Variants in COL2A1 observed in about 807,000 individuals in gnomAD.
COL2A1 encodes collagen alpha-1(II) chain.
A neutral mutation model predicts 204.5 loss-of-function variants in COL2A1; 28 were observed. The observed-to-expected ratio is 0.14, with a 90% CI of 0.10 to 0.19. The LOEUF is 0.19. COL2A1 is among the 10% of genes least tolerant of loss of function. The pLI is 1.00. For synonymous variants in COL2A1, 708 were observed against 718.7 expected (o/e 0.99, Z 0.24); for missense variants, 1,388 against 2,027.5 (o/e 0.68, Z 6.06).
Position 47,987,293 on chromosome 12 carries a change from T to A in COL2A1, c.1242A>T (p.Gly414=). The A allele has an allele frequency of 6.2e-7, 1 of 1,614,014 alleles. No homozygotes were observed. Among genetic ancestry groups the A allele is most frequent in the Non-Finnish European group, 8.5e-7 (1 of 1,179,992 alleles). Residue 414 remains glycine, a synonymous_variant, in exon 20 of 54, where the codon GGA becomes GGT. Transcript: ENST00000380518. The surrounding 1 kb of genome is among the most constrained non-coding windows in gnomAD (Gnocchi z 4.1). The part of the protein sequence containing the change: ...AGASGNPGTD[G]IPGAKGSAGA... ...CAGCAGATCCTTTGGCTCCAGGAAT[T>A]CCATCTGTTCCAGGGTTACCCTGAA...
chr12:47,997,663 A>G lies in COL2A1; in HGVS notation c.474T>C (p.Pro158=), dbSNP rs2136626332. 1 of 1,613,948 alleles carries G rather than the reference A, an allele frequency of 6.2e-7. No homozygotes were observed. ...PRGRDGEPGT[P]GNPGPPGPPG... ...GAGGACCAGGGGGGCCAGGATTTCC[A>G]GGGGTCCCAGGTTCTCCATCTCTGC... Residue 158 remains proline, a synonymous_variant, in exon 7 of 54, where the codon CCT becomes CCC. Coordinates refer to ENST00000380518, the MANE Select transcript of COL2A1 (RefSeq NM_001844.5).
rs896330850 is a variant in COL2A1 at position 47,987,420 on chromosome 12, G to C, written c.1222-107C>G. 8.1e-7 allele frequency: 1 copy of C among 1,241,308 alleles called. No individual in the cohort carries two copies. Among genetic ancestry groups the C allele is most frequent in the African/African-American group, 1.5e-5 (1 of 67,916 alleles). 76.9% of individuals were successfully genotyped at this position (1,241,308 alleles called of 1,614,324 possible). A position where few individuals can be genotyped will look rare whatever the true frequency, so the allele number is the denominator to read the frequency against. On this transcript the variant is annotated intron_variant, in intron 19 of 53. Transcript: ENST00000380518. This position sits in a 1 kb window ranked among gnomAD's most constrained non-coding sequence, Gnocchi z 4.1. ...CCTGGCATAGGTGCTGTCCATTTCA[G>C]GGACATTCCCACTATGTGTTTCAAG...
intron 27 of COL2A1, 147 bp downstream of exon 27, chr12:47,984,848 C>T (rs1939302070): frequency 2.5e-6 from 2 of 796,704 alleles, no homozygotes; most frequent in South Asian, 1.5e-5. Context: ...AAATCACATA[C>T]AGACCCCCAC....
chr12:47,984,564 A>G lies in COL2A1; in HGVS notation c.1869T>C (p.Pro623=), dbSNP rs1262433609. 1 of 1,614,150 alleles carries G rather than the reference A, an allele frequency of 6.2e-7. No homozygotes were observed. The highest frequency in any genetic ancestry group is 1.1e-5 in the South Asian group (1 of 91,082). ...EPGKAGEKGL[P]GAPGLRGLPG... ...TACTTACCCTCAGACCAGGAGCACC[A>G]GGCAGTCCCTTCTCACCAGCTTTGC... Residue 623 remains proline (P), a synonymous_variant, in exon 28 of 54, where the codon CCT becomes CCC. Coordinates refer to ENST00000380518, the MANE Select transcript of COL2A1 (RefSeq NM_001844.5).
chr12:47,987,844 T>A lies in COL2A1; in HGVS notation c.1123-135A>T. The A allele has an allele frequency of 1.4e-6, 1 of 715,934 alleles. No homozygotes were observed. Among genetic ancestry groups the A allele is most frequent in the Non-Finnish European group, 2.5e-6 (1 of 403,282 alleles). The allele number at this position is 715,934 out of a possible 1,614,324, so 44.3% of individuals were successfully genotyped here. A position where few individuals can be genotyped will look rare whatever the true frequency, so the allele number is the denominator to read the frequency against. On this transcript the variant is annotated intron_variant, in intron 18 of 53. Transcript: ENST00000380518. This position sits in a 1 kb window ranked among gnomAD's most constrained non-coding sequence, Gnocchi z 4.1. ...ATGCACCCAACCCTGCACATGAACA[T>A]GTGCGTTCACACACAGTTCACGCTG...
chr12:47,984,014 A>G (rs1160661409), intron 29 of COL2A1, 73 bp downstream of exon 29: 1 of 1,331,928 alleles, frequency 7.5e-7, no homozygotes, highest in Non-Finnish European at 1.1e-6. Context: ...CCATTAATGG[A>G]TGGGCTCTCC....
rs753972831 is a variant in COL2A1 at position 47,992,896 on chromosome 12, A to T, written c.1005T>A (p.Thr335=). The stretch of plus-strand genomic sequence containing the variant: ...TACTCACCGCAGCGCCAGCAGGGCC[A>T]GTCCGTCCTCTTTCACCAGGCAGGC... ...PRGLPGERGR[T]GPAGAAGARG... The change falls in exon 16 of 54, where the codon ACT becomes ACA. Residue 335 remains threonine (T), a synonymous_variant. Transcript: ENST00000380518. 9.3e-6 allele frequency: 15 copies of T among 1,614,122 alleles called. No individual in the cohort carries two copies. In the South Asian group the frequency reaches 1.5e-4, roughly 17 times the overall value.
At chr12:47,998,502 T>C (rs891981969) in intron 2 of COL2A1, 71 bp from the exon 3 acceptor site, 3 of 1,478,646 alleles carry the variant, frequency 2.0e-6, no homozygotes, top group African/African-American at 1.4e-5. Context: ...TTCTTGTCAC[T>C]CAAACACTCA....
intron 41 of COL2A1, 59 bp downstream of exon 41, chr12:47,979,452 G>T: frequency 1.9e-6 from 3 of 1,578,856 alleles, no homozygotes; most frequent in Middle Eastern, 1.7e-4. Flanking sequence ...ACCCTGTTGG[G>T]TGCTGGGCCA....
At chr12:47,988,722 C>G (rs548402010) in intron 18 of COL2A1, among the ~76,000 whole-genome samples, 1 of 152,260 alleles carries the variant, frequency 6.6e-6, no homozygotes, top group African/African-American at 2.4e-5. Context: ...TGGCCTCCCA[C>G]TGGCCTCTAG....
chr12:47,980,778 G>T lies in COL2A1; in HGVS notation c.2518-117C>A. On this transcript the variant is annotated intron_variant, in intron 38 of 53. Transcript: ENST00000380518. This position sits in a 1 kb window ranked among gnomAD's most constrained non-coding sequence, Gnocchi z 4.5. The stretch of plus-strand genomic sequence containing the variant: ...TGTGTGTCCTGGTCTGGACATGATG[G>T]TTCTATTAGTATGGAGGCGGGAAAG... 7.2e-7 allele frequency: 1 copy of T among 1,390,650 alleles called. No individual in the cohort carries two copies. The highest frequency in any genetic ancestry group is 1.0e-6 in the Non-Finnish European group (1 of 1,000,368). 86.1% of individuals were successfully genotyped at this position (1,390,650 alleles called of 1,614,324 possible). A position where few individuals can be genotyped will look rare whatever the true frequency, so the allele number is the denominator to read the frequency against.
Position 47,976,906 on chromosome 12 carries a change from G to C in COL2A1, c.3341C>G (p.Pro1114Arg). The C allele has an allele frequency of 6.2e-7, 1 of 1,606,694 alleles. No individual in the cohort carries two copies. The highest frequency in any genetic ancestry group is 8.5e-7 in the Non-Finnish European group (1 of 1,176,298). Residue 1114 changes from proline (P) to arginine (R), a missense_variant, in exon 48 of 54, where the codon CCC becomes CGC. Pro to Arg is a moderately radical substitution (Grantham distance 103, BLOSUM62 -2). Transcript: ENST00000380518. This position sits in a 1 kb window ranked among gnomAD's most constrained non-coding sequence, Gnocchi z 4.3. The part of the protein sequence containing the change: ...GARGIQGPQG[P>R]RGDKGEAGEP... ...TCCAGCCTCTCCTTTGTCACCTCTG[G>C]GGCCTTGAGGACCCTGGGAACAAGA...
At chr12:47,989,835 G>C in intron 16 of COL2A1, 30 bp from the exon 17 acceptor site, 1 of 1,609,144 alleles carries the variant, frequency 6.2e-7, no homozygotes, top group Non-Finnish European at 8.5e-7. Flanking sequence ...GACCATGAGA[G>C]GTGCCCACAG....
chr12:47,973,265 A>G lies in COL2A1; in HGVS notation c.*142T>C. 4 of 1,079,160 alleles carry G rather than the reference A, an allele frequency of 3.7e-6. No individual in the cohort carries two copies. Among genetic ancestry groups the G allele is most frequent in the Non-Finnish European group, 5.8e-6 (4 of 694,876 alleles). The allele number at this position is 1,079,160 out of a possible 1,614,324, so 66.8% of individuals were successfully genotyped here. ...GGTCTCTTAGAAAGAGAGGGGAGAA[A>G]AGTCCGAACTGTGAGAGGGTGGGAT... is the stretch of plus-strand genomic sequence containing the variant. On this transcript the variant is annotated 3_prime_UTR_variant, in exon 54 of 54. Coordinates refer to ENST00000380518, the MANE Select transcript of COL2A1 (RefSeq NM_001844.5).
intron 18 of COL2A1, chr12:47,988,396 A>G (rs1465015881): frequency 6.4e-6 from 1 of 155,626 alleles, no homozygotes; most frequent in Non-Finnish European, 1.4e-5. Context: ...CCCACTCTAG[A>G]TGGCAGAGTC....
intron 33 of COL2A1, 107 bp downstream of exon 33, chr12:47,982,741 T>TC: frequency 7.8e-7 from 1 of 1,281,944 alleles, no homozygotes; most frequent in Non-Finnish European, 1.1e-6. Context: ...CCTTTCCAGC[T>TC]CCCCCCACTT....
chr12:47,975,633 A>G, intron 50 of COL2A1, 28 bp from the exon 51 acceptor site: 1 of 1,596,478 alleles, frequency 6.3e-7, no homozygotes, highest in Non-Finnish European at 8.5e-7. Flanking sequence ...GAGATCAGCC[A>G]GGATTGTGTG....
Position 47,973,294 on chromosome 12 carries a change from T to C in COL2A1, c.*113A>G. On this transcript the variant is annotated 3_prime_UTR_variant, in exon 54 of 54. Coordinates refer to ENST00000380518, the MANE Select transcript of COL2A1 (RefSeq NM_001844.5). ...CCGAACTGTGAGAGGGTGGGATGAA[T>C]GGACATCAGGTCAGGTCAGCCATTC... The C allele has an allele frequency of 2.9e-6, 4 of 1,392,260 alleles. No homozygotes were observed. Among genetic ancestry groups the C allele is most frequent in the Non-Finnish European group, 4.1e-6 (4 of 977,660 alleles). The allele number at this position is 1,392,260 out of a possible 1,614,324, so 86.2% of individuals were successfully genotyped here. A position where few individuals can be genotyped will look rare whatever the true frequency, so the allele number is the denominator to read the frequency against.
chr12:48,003,143 T>C (rs1222088419), intron 1 of COL2A1: 1 of 152,218 alleles, frequency 6.6e-6, no homozygotes, highest in East Asian at 1.9e-4. Context: ...CCAGGCTTCG[T>C]TTGTCCTGAA....
Sources: gnomAD v4.1 joint callset for allele counts (sites outside exome capture counted in the v4.1 genomes callset) on GRCh38, gnomAD v4.1.1 for gene constraint, Gnocchi (gnomAD v3.1) non-coding constraint, MANE v1.5 for transcripts, NCBI Gene and HGNC (gene_info 2026-07-23, HGNC 2026-07-21) for gene names.